The following LPAR1 variants were observed in gnomAD, a reference collection of about 807,000 sequenced individuals.
The protein encoded by LPAR1 is LPA receptor 1.
A neutral mutation model predicts 23.8 loss-of-function variants in LPAR1; 5 were observed. The ratio of observed to expected loss-of-function variants is 0.21; its 90% CI spans 0.11 to 0.44. LPAR1 has a LOEUF of 0.44. Among genes scored for constraint, LPAR1 ranks in the 20% least tolerant of loss-of-function variants. The probability of loss-of-function intolerance (pLI) is 0.99; values close to 1 mark genes in which losing one functional copy is unlikely to be tolerated. For synonymous variants in LPAR1, 160 were observed against 164.7 expected, an observed-to-expected ratio of 0.97 and a Z score of 0.22; for missense variants, 311 against 482.8, an observed-to-expected ratio of 0.64 and a Z score of 3.33.
At chr9:111,011,540 A>G (rs1486161053) in intron 2 of LPAR1, among the ~76,000 whole-genome samples, 1 of 152,152 alleles carries the variant, frequency 6.6e-6, no homozygotes, top group Non-Finnish European at 1.5e-5. Flanking sequence ...AAACACTTCA[A>G]ATCTTACCTG....
At chr9:110,948,059 A>G (rs1288367733) in intron 4 of LPAR1, among the ~76,000 whole-genome samples, 1 of 152,212 alleles carries the variant, frequency 6.6e-6, no homozygotes, top group African/African-American at 2.4e-5. Context: ...TTTGTTTTTC[A>G]ATAAGTTCCA....
intron 2 of LPAR1, among the ~76,000 whole-genome samples, chr9:110,987,161 G>T (rs972477680): frequency 1.3e-5 from 2 of 151,994 alleles, no homozygotes; most frequent in African/African-American, 4.8e-5. Context: ...TTTGCTACAA[G>T]GATGCTTAAT....
At position 110,873,970 on chromosome 9, in the gene LPAR1, C is replaced by T. The variant is rs1351215699; in HGVS notation, c.*1451G>A. On this transcript the variant is annotated 3_prime_UTR_variant, in exon 6 of 6. Transcript: ENST00000683809. ...TTGATCTTGTTGTATTAAAAAGTCA[C>T]TCTCAACTGAAGTGACCACTGCATT... 1.3e-5 allele frequency: 2 copies of T among 152,606 alleles called. No individual in the cohort carries two copies. Among genetic ancestry groups the T allele is most frequent in the African/African-American group, 4.8e-5 (2 of 41,452 alleles). The allele number at this position is 152,606 out of a possible 1,614,324, so 9.5% of individuals were successfully genotyped here.
chr9:110,941,901 G>C lies in LPAR1; in HGVS notation c.313C>G (p.Leu105Val). 3 of 1,614,212 alleles carry C rather than the reference G, an allele frequency of 1.9e-6. No individual in the cohort carries two copies. The South Asian group carries it at 3.3e-5, about 18-fold the overall frequency. The change falls in exon 5 of 6, where the codon CTC (leucine) becomes GTC (valine). Residue 105 changes from leucine (L) to valine (V), a missense_variant. Around this residue, in one of 2 missense-constraint regions of LPAR1, gnomAD observed 250 missense variants for 427.2 expected, o/e 0.59. Coordinates refer to ENST00000683809, the MANE Select transcript of LPAR1 (RefSeq NM_001351411.2). This position sits in a 1 kb window ranked among gnomAD's most constrained non-coding sequence, Gnocchi z 6.1. The part of the protein sequence containing the change: ...DFFAGLAYFY[L>V]MFNTGPNTRR... Reference sequence around the variant, plus strand: ...GTATTGGGTCCTGTGTTGAACATGAGATAGAAGTAGGCCAACCCAGCAAAG... The same window carrying C: ...GTATTGGGTCCTGTGTTGAACATGACATAGAAGTAGGCCAACCCAGCAAAG...
At chr9:110,931,511 T>C (rs918478491) in intron 5 of LPAR1, among the ~76,000 whole-genome samples, 1 of 152,248 alleles carries the variant, frequency 6.6e-6, no homozygotes, top group Non-Finnish European at 1.5e-5. Flanking sequence ...TCTTTTGCTG[T>C]GCAGAAGCTC....
At chr9:110,930,532 A>T (rs1247132428) in intron 5 of LPAR1, among the ~76,000 whole-genome samples, 1 of 152,050 alleles carries the variant, frequency 6.6e-6, no homozygotes, top group East Asian at 1.9e-4. Flanking sequence ...ATAAAAATAA[A>T]AATAAATTAA....
intron 5 of LPAR1, among the ~76,000 whole-genome samples, chr9:110,912,984 A>G (rs2092647915): frequency 6.6e-6 from 1 of 152,214 alleles, no homozygotes; most frequent in Non-Finnish European, 1.5e-5. Flanking sequence ...TGGGAGGTTA[A>G]CAGCATTAAG....
chr9:110,942,042 T>C lies in LPAR1; in HGVS notation c.172A>G (p.Thr58Ala), dbSNP rs1383911215. 2 of 1,614,038 alleles carry C rather than the reference T, an allele frequency of 1.2e-6. No homozygotes were observed. Among genetic ancestry groups the C allele is most frequent in the African/African-American group, 2.7e-5 (2 of 74,918 alleles). Residue 58 changes from threonine to alanine, a missense_variant, in exon 5 of 6, where the codon ACT (threonine) becomes GCT (alanine). Thr to Ala is a moderately conservative substitution (Grantham distance 58). This residue lies in a region of LPAR1 where 250 missense variants were observed against 427.2 expected (regional missense o/e 0.59). Coordinates refer to ENST00000683809, the MANE Select transcript of LPAR1 (RefSeq NM_001351411.2). ...VSKLVMGLGI[T>A]VCIFIMLANL... ...GCCAACATGATGAAGATACAAACAG[T>C]GATTCCAAGTCCCATCACCAGCTTG...
intron 5 of LPAR1, among the ~76,000 whole-genome samples, chr9:110,929,598 A>T (rs1324798146): frequency 1.3e-5 from 2 of 152,166 alleles, no homozygotes; most frequent in Non-Finnish European, 2.9e-5. Context: ...GTATAGTTAA[A>T]TTGAACTCCA....
At chr9:111,002,482 G>A (rs1378105517) in intron 2 of LPAR1, among the ~76,000 whole-genome samples, 1 of 152,072 alleles carries the variant, frequency 6.6e-6, no homozygotes, top group Non-Finnish European at 1.5e-5. Context: ...CTACTCATGG[G>A]GTGCCAAAGT....
chr9:110,910,493 C>A (rs1351791590), intron 5 of LPAR1, among the ~76,000 whole-genome samples: 2 of 152,182 alleles, frequency 1.3e-5, no homozygotes, highest in African/African-American at 4.8e-5. Flanking sequence ...GTGTTCATGA[C>A]TGCTAACCCA....
chr9:111,008,333 G>A (rs1000430954), intron 2 of LPAR1, among the ~76,000 whole-genome samples: 14 of 152,074 alleles, frequency 9.2e-5, no homozygotes, highest in African/African-American at 3.4e-4. Context: ...GTGTGTGTAT[G>A]CATACATAAG....
At chr9:111,002,543 T>C (rs975337991) in intron 2 of LPAR1, among the ~76,000 whole-genome samples, 1 of 152,190 alleles carries the variant, frequency 6.6e-6, no homozygotes, top group African/African-American at 2.4e-5. Flanking sequence ...TATTTCTGAA[T>C]GAACTTATCA....
At position 110,874,218 on chromosome 9, in the gene LPAR1, C is replaced by G. The variant is rs1269803817; in HGVS notation, c.*1203G>C. 1 of 152,412 alleles carries G rather than the reference C, an allele frequency of 6.6e-6. No individual in the cohort carries two copies. The highest frequency in any genetic ancestry group is 6.5e-5 in the Admixed American group (1 of 15,268). The allele number at this position is 152,412 out of a possible 1,614,324, so 9.4% of individuals were successfully genotyped here. ...ACTTTATAATAATGAAAATTAGAAA[C>G]AACCTAAATAGTTAACAACATGGGA... On this transcript the variant is annotated 3_prime_UTR_variant, in exon 6 of 6. Coordinates refer to ENST00000683809, the MANE Select transcript of LPAR1 (RefSeq NM_001351411.2).
At chr9:110,926,937 G>A (rs542634325) in intron 5 of LPAR1, among the ~76,000 whole-genome samples, 1 of 152,122 alleles carries the variant, frequency 6.6e-6, no homozygotes, top group African/African-American at 2.4e-5. Flanking sequence ...TTTGTGTGAC[G>A]TAAGTACTGA....
intron 5 of LPAR1, among the ~76,000 whole-genome samples, chr9:110,921,984 T>C (rs777988852): frequency 1.1e-4 from 17 of 152,186 alleles, no homozygotes; most frequent in Middle Eastern, 6.8e-3. Context: ...TCTGCAAAGG[T>C]CCAGAAGTTA....
At chr9:110,881,142 G>A (rs1384816354) in intron 5 of LPAR1, among the ~76,000 whole-genome samples, 2 of 152,026 alleles carry the variant, frequency 1.3e-5, no homozygotes, top group Non-Finnish European at 1.5e-5. Flanking sequence ...TATCTCCACA[G>A]TATTATTGTT....
chr9:110,906,925 CTT>C (rs1428255965), intron 5 of LPAR1, among the ~76,000 whole-genome samples: 5,677 of 152,030 alleles, frequency 0.037, 172 homozygotes, highest in Non-Finnish European at 0.047. Context: ...TATAAAAATC[CTT>C]TATTGATGCA....
At chr9:110,913,965 T>G (rs2092768369) in intron 5 of LPAR1, among the ~76,000 whole-genome samples, 1 of 152,202 alleles carries the variant, frequency 6.6e-6, no homozygotes, top group African/African-American at 2.4e-5. Flanking sequence ...CGTCCAAGCT[T>G]GACAAGCATC....
Sources: gnomAD v4.1 joint callset for allele counts (sites outside exome capture counted in the v4.1 genomes callset) on GRCh38, gnomAD v4.1.1 for gene constraint, gnomAD v4.1.1 regional missense constraint, Gnocchi (gnomAD v3.1) non-coding constraint, MANE v1.5 for transcripts, NCBI Gene and HGNC (gene_info 2026-07-23, HGNC 2026-07-21) for gene names.